Variants in ADARB2 observed in about 807,000 individuals in gnomAD.
ADARB2 encodes the protein adenosine deaminase RNA specific B2 (inactive).
A neutral mutation model predicts 62.2 loss-of-function variants in ADARB2; 25 were observed. The ratio of observed to expected loss-of-function variants is 0.40; its 90% CI spans 0.29 to 0.56. The LOEUF is 0.56. Among genes scored for constraint, ADARB2 ranks in the 20% least tolerant of loss-of-function variants. The pLI is 0.43. For missense variants in ADARB2, 1,071 were observed against 1,077.4 expected, an observed-to-expected ratio of 0.99 and a Z score of 0.08; for synonymous variants, 572 against 500.8, an observed-to-expected ratio of 1.14 and a Z score of -1.90.
intron 3 of ADARB2, among the ~76,000 whole-genome samples, chr10:1,309,197 G>T (rs751859753): frequency 6.6e-6 from 1 of 152,206 alleles, no homozygotes; most frequent in East Asian, 1.9e-4. Context: ...TACCCAGAGG[G>T]TGACTGATAA....
rs371835028 is a variant in ADARB2 at position 1,513,807 on chromosome 10, A to C, written c.101-134647T>G. 6.6e-4 allele frequency among the ~76,000 whole-genome samples: 100 copies of C among 152,230 alleles called. 1 individual carries two copies. The South Asian group carries it at 0.018, about 27-fold the overall frequency. On this transcript the variant is annotated intron_variant, in intron 1 of 9. Transcript: ENST00000381312. ...GCTGGCTTGAAGTGATAGCCGGTGA[A>C]TGCTTGTCTATCACCTTTCTGGCGC...
chr10:1,245,013 T>C (rs897708934), intron 4 of ADARB2, among the ~76,000 whole-genome samples: 4 of 152,030 alleles, frequency 2.6e-5, no homozygotes, highest in East Asian at 1.9e-4. Flanking sequence ...CAATAGACAA[T>C]GGGAGCTGTG....
At chr10:1,200,258 C>A in intron 7 of ADARB2, 111 bp from the exon 8 acceptor site, 2 of 1,444,376 alleles carry the variant, frequency 1.4e-6, no homozygotes, top group Non-Finnish European at 9.5e-7. Context: ...TCCCATCGTG[C>A]GGACCTTGGG....
chr10:1,452,651 G>T (rs1434470947), intron 1 of ADARB2, among the ~76,000 whole-genome samples: 5 of 151,000 alleles, frequency 3.3e-5, no homozygotes, highest in Non-Finnish European at 7.4e-5. Context: ...GGGCCTGTTG[G>T]GGGGTTGGGG....
intron 1 of ADARB2, among the ~76,000 whole-genome samples, chr10:1,672,916 T>C (rs553321146): frequency 6.6e-6 from 1 of 152,290 alleles, no homozygotes; most frequent in South Asian, 2.1e-4. Context: ...CACAAATCCA[T>C]AGGAGGGAAA....
chr10:1,477,145 G>A lies in ADARB2; in HGVS notation c.101-97985C>T, dbSNP rs1266023643. ...CATGGCTGTGAAACTTGGGTTGCCC[G>A]ATCCTGCAAACGCTGGCTTTCTCCT... On this transcript the variant is annotated intron_variant, in intron 1 of 9. Transcript: ENST00000381312. The surrounding 1 kb of genome is among the most constrained non-coding windows in gnomAD (Gnocchi z 4.5). Among the ~76,000 whole-genome samples the A allele has an allele frequency of 1.3e-5, 2 of 152,258 alleles. No homozygotes were observed. The highest frequency in any genetic ancestry group is 2.1e-4 in the South Asian group (1 of 4,820).
chr10:1,196,538 A>G (rs1446572193), intron 8 of ADARB2, among the ~76,000 whole-genome samples: 1 of 152,164 alleles, frequency 6.6e-6, no homozygotes, highest in African/African-American at 2.4e-5. Flanking sequence ...CCTTAAGATC[A>G]TGGTGGAAAT....
At chr10:1,407,009 C>T (rs781666264) in intron 1 of ADARB2, among the ~76,000 whole-genome samples, 4 of 152,226 alleles carry the variant, frequency 2.6e-5, no homozygotes, top group Non-Finnish European at 5.9e-5. Context: ...CTGGGGGATG[C>T]GTCTCCTCCT....
intron 3 of ADARB2, among the ~76,000 whole-genome samples, chr10:1,289,747 T>C (rs1282563710): frequency 1.3e-5 from 2 of 152,240 alleles, no homozygotes; most frequent in East Asian, 3.8e-4. Context: ...GCCCACAGGA[T>C]CCAGCCCCTG....
chr10:1,653,134 C>T (rs573454922), intron 1 of ADARB2, among the ~76,000 whole-genome samples: 25 of 152,308 alleles, frequency 1.6e-4, no homozygotes, highest in Middle Eastern at 3.4e-3. Flanking sequence ...GGCCACCTTC[C>T]CACGGAGGTG....
intron 8 of ADARB2, among the ~76,000 whole-genome samples, chr10:1,185,298 A>G (rs924943922): frequency 6.6e-6 from 1 of 152,226 alleles, no homozygotes; most frequent in African/African-American, 2.4e-5. Flanking sequence ...TCTGGTGATA[A>G]TATAGCTCCG....
At chr10:1,441,940 G>A (rs1387083337) in intron 1 of ADARB2, among the ~76,000 whole-genome samples, 2 of 152,034 alleles carry the variant, frequency 1.3e-5, no homozygotes, top group South Asian at 2.1e-4. Flanking sequence ...GTAAATGTGT[G>A]GATATTCAAC....
intron 1 of ADARB2, among the ~76,000 whole-genome samples, chr10:1,435,048 CA>C (rs1017169650): frequency 7.9e-5 from 12 of 152,210 alleles, no homozygotes; most frequent in African/African-American, 2.9e-4. Context: ...TTCAGATCCT[CA>C]AAAAATTGAA....
At chr10:1,218,319 G>A (rs1011196323) in intron 6 of ADARB2, among the ~76,000 whole-genome samples, 3 of 152,158 alleles carry the variant, frequency 2.0e-5, no homozygotes, top group Non-Finnish European at 2.9e-5. Flanking sequence ...CCAAAGTGCT[G>A]GGATTACAGG....
chr10:1,429,282 C>G (rs1243169349), intron 1 of ADARB2, among the ~76,000 whole-genome samples: 1 of 152,186 alleles, frequency 6.6e-6, no homozygotes, highest in Admixed American at 6.5e-5. Context: ...TAATCAAAAT[C>G]TTAAATCATG....
intron 6 of ADARB2, among the ~76,000 whole-genome samples, chr10:1,228,931 A>G (rs1407917310): frequency 6.6e-6 from 1 of 152,168 alleles, no homozygotes; most frequent in African/African-American, 2.4e-5. Flanking sequence ...TGCTGGCTCA[A>G]AACCCGACCT....
At chr10:1,373,325 C>CA (rs1016097268) in intron 2 of ADARB2, among the ~76,000 whole-genome samples, 2 of 151,982 alleles carry the variant, frequency 1.3e-5, no homozygotes, top group African/African-American at 4.8e-5. Context: ...CACACACACA[C>CA]ACCCACCCAC....
intron 1 of ADARB2, among the ~76,000 whole-genome samples, chr10:1,431,190 C>T (rs774279843): frequency 6.6e-5 from 10 of 152,156 alleles, no homozygotes; most frequent in Non-Finnish European, 2.9e-5. Flanking sequence ...TACTGAGCTA[C>T]TAAACAAATC....
At chr10:1,647,245 C>A (rs1204830872) in intron 1 of ADARB2, among the ~76,000 whole-genome samples, 1 of 152,192 alleles carries the variant, frequency 6.6e-6, no homozygotes, top group Non-Finnish European at 1.5e-5. Context: ...GAAACATAGA[C>A]AATTGCAGGA....
Sources: allele counts gnomAD v4.1 joint callset (sites outside exome capture counted in the v4.1 genomes callset), GRCh38; gene constraint gnomAD v4.1.1; non-coding constraint Gnocchi (gnomAD v3.1); transcripts MANE v1.5; gene names NCBI Gene and HGNC (gene_info 2026-07-23, HGNC 2026-07-21).